ANO4: variants seen among roughly 807,000 people sequenced by gnomAD.
ANO4 encodes the protein anoctamin-4.
Under a neutral mutation model 141.9 loss-of-function variants are expected in ANO4, and 69 were observed. The observed-to-expected ratio is 0.49, with a 90% confidence interval of 0.40 to 0.59. The LOEUF is 0.59. ANO4 is among the 20% of genes least tolerant of loss of function. The pLI, the probability that ANO4 is intolerant of heterozygous loss-of-function variation, is 0.00. For missense variants in ANO4, 894 were observed against 1,162.2 expected, an observed-to-expected ratio of 0.77 and a Z score of 3.36; for synonymous variants, 350 against 394.3, an observed-to-expected ratio of 0.89 and a Z score of 1.33.
intron 14 of ANO4, among the ~76,000 whole-genome samples, chr12:101,063,943 A>G (rs910198811): frequency 1.3e-5 from 2 of 151,346 alleles, no homozygotes; most frequent in Non-Finnish European, 1.5e-5. Flanking sequence ...CTAAAAGTTT[A>G]TCAGTTCTAT....
chr12:100,990,280 G>A (rs1266243761), intron 8 of ANO4, among the ~76,000 whole-genome samples: 1 of 152,124 alleles, frequency 6.6e-6, no homozygotes, highest in Non-Finnish European at 1.5e-5. Flanking sequence ...GTATGGAAGA[G>A]GAGGGTTTCC....
chr12:101,064,915 G>A lies in ANO4; in HGVS notation c.1313-14278G>A, dbSNP rs530246173. On this transcript the variant is annotated intron_variant, in intron 14 of 27. Transcript: ENST00000392977. ...ATTCCTTGTTTGGCATATCTACACC[G>A]TTCACACTACCTGCCCATTAGTCAT... Among the ~76,000 whole-genome samples, 244 of 152,082 alleles carry A rather than the reference G, an allele frequency of 1.6e-3. 1 individual carries two copies. Among genetic ancestry groups the A allele is most frequent in the African/African-American group, 5.1e-3 (211 of 41,484 alleles).
At chr12:101,095,084 C>T (rs1366846342) in intron 18 of ANO4, among the ~76,000 whole-genome samples, 7 of 152,136 alleles carry the variant, frequency 4.6e-5, no homozygotes, top group African/African-American at 1.7e-4. Context: ...TACATGCTCC[C>T]GTCCACAACT....
At chr12:100,883,763 A>G (rs963676326) in intron 1 of ANO4, among the ~76,000 whole-genome samples, 2 of 152,244 alleles carry the variant, frequency 1.3e-5, no homozygotes, top group African/African-American at 4.8e-5. Context: ...AGTAGGAAGC[A>G]ATGTTGACAA....
intron 5 of ANO4, among the ~76,000 whole-genome samples, chr12:100,954,871 A>G (rs902039069): frequency 9.8e-5 from 15 of 152,294 alleles, no homozygotes; most frequent in South Asian, 4.1e-4. Context: ...AGCAGAATTC[A>G]CTGGGACCCA....
At chr12:101,087,908 C>T (rs546137192) in intron 17 of ANO4, among the ~76,000 whole-genome samples, 3 of 152,278 alleles carry the variant, frequency 2.0e-5, no homozygotes, top group Admixed American at 6.5e-5. Flanking sequence ...TGTCTCTTGC[C>T]GAGATTATTG....
intron 9 of ANO4, among the ~76,000 whole-genome samples, chr12:101,029,163 C>G (rs1223657746): frequency 6.6e-6 from 1 of 152,206 alleles, no homozygotes; most frequent in Non-Finnish European, 1.5e-5. Flanking sequence ...GCTGGCCTTG[C>G]AAGAGCTCCT....
intron 10 of ANO4, chr12:101,038,804 G>A (rs1437803936): frequency 6.6e-6 from 1 of 152,102 alleles, no homozygotes; most frequent in Non-Finnish European, 1.5e-5. Flanking sequence ...ATCAGGTGTG[G>A]TGGCTCAGGC....
At chr12:100,922,366 G>T (rs551062716) in intron 3 of ANO4, 36 bp downstream of exon 3, 3 of 1,444,268 alleles carry the variant, frequency 2.1e-6, no homozygotes, top group East Asian at 5.1e-5. Context: ...CGCCGTGAGA[G>T]AAGAAGCTAT....
At chr12:100,957,123 T>G (rs2043201488) in intron 5 of ANO4, among the ~76,000 whole-genome samples, 1 of 152,188 alleles carries the variant, frequency 6.6e-6, no homozygotes, top group African/African-American at 2.4e-5. Context: ...AAGAAAATAT[T>G]ATCATTTAGT....
intron 3 of ANO4, among the ~76,000 whole-genome samples, chr12:100,771,150 G>A (rs191041064): frequency 9.3e-4 from 142 of 152,180 alleles, no homozygotes; most frequent in Admixed American, 7.8e-3. Flanking sequence ...CCAATTTTTG[G>A]CCAGTGAACC....
rs150837252 is a variant in ANO4 at position 101,046,476 on chromosome 12, A to G, written c.1252-1865A>G. 1.9e-4 allele frequency among the ~76,000 whole-genome samples: 29 copies of G among 152,280 alleles called. No individual in the cohort carries two copies. The East Asian group carries it at 3.5e-3, about 18-fold the overall frequency. On this transcript the variant is annotated intron_variant, in intron 13 of 27. Coordinates refer to ENST00000392977, the MANE Select transcript of ANO4 (RefSeq NM_001286615.2). Reference sequence around the variant, plus strand: ...TGTGCTCTCACTCTACCTGGTATCTACAACCTACCTCTCCCCACACACCAC... The same window carrying G: ...TGTGCTCTCACTCTACCTGGTATCTGCAACCTACCTCTCCCCACACACCAC...
intron 2 of ANO4, 65 bp downstream of exon 2, chr12:100,901,905 AT>A: frequency 1.4e-6 from 2 of 1,397,732 alleles, no homozygotes; most frequent in Non-Finnish European, 1.9e-6. Flanking sequence ...TCTGCATTAT[AT>A]TTTTATTGTG....
chr12:100,849,399 C>A (rs967883296), intron 1 of ANO4, among the ~76,000 whole-genome samples: 4 of 152,162 alleles, frequency 2.6e-5, no homozygotes, highest in African/African-American at 9.7e-5. Flanking sequence ...GAGTCTCCTT[C>A]CTGCCTCATT....
intron 9 of ANO4, among the ~76,000 whole-genome samples, chr12:101,023,869 A>G (rs1446708629): frequency 6.6e-6 from 1 of 152,234 alleles, no homozygotes; most frequent in Non-Finnish European, 1.5e-5. Context: ...ATAATATGTT[A>G]GAAGAAATTT....
At chr12:101,089,468 A>T (rs2049658381) in intron 17 of ANO4, among the ~76,000 whole-genome samples, 1 of 151,500 alleles carries the variant, frequency 6.6e-6, no homozygotes, top group Non-Finnish European at 1.5e-5. Context: ...CCCCCTTTTG[A>T]CCCCCCACCA....
intron 15 of ANO4, among the ~76,000 whole-genome samples, chr12:101,081,415 A>G (rs1369120857): frequency 6.6e-6 from 1 of 152,124 alleles, no homozygotes; most frequent in Non-Finnish European, 1.5e-5. Context: ...TGTATCCCTT[A>G]TAAGTGTGGA....
intron 8 of ANO4, among the ~76,000 whole-genome samples, chr12:100,992,423 T>G (rs973279468): frequency 3.3e-5 from 5 of 152,138 alleles, no homozygotes; most frequent in Non-Finnish European, 7.4e-5. Context: ...TTGCATATGT[T>G]GTTTCCTCTC....
chr12:101,104,593 ATGTGTGTGTGTG>A (rs745870723), intron 22 of ANO4, among the ~76,000 whole-genome samples: 12 of 94,710 alleles, frequency 1.3e-4, no homozygotes, highest in African/African-American at 4.1e-4. Context: ...TAATATATAT[ATGTGTGTGTGTG>A]TGTGTGTGTG....
Sources: gnomAD v4.1 joint callset for allele counts (sites outside exome capture counted in the v4.1 genomes callset) on GRCh38, gnomAD v4.1.1 for gene constraint, MANE v1.5 for transcripts, NCBI Gene and HGNC (gene_info 2026-07-23, HGNC 2026-07-21) for gene names.